Variants in DNAH7 observed in about 807,000 individuals in gnomAD.
The protein encoded by DNAH7 is axonemal beta dynein heavy chain 7.
In DNAH7, 397 loss-of-function variants were observed where a neutral mutation model predicts 444.6. That is an observed-to-expected ratio of 0.89 (90% CI 0.82 to 0.97). DNAH7 has a LOEUF of 0.97. Ranked by LOEUF, DNAH7 falls within the 50% of genes least tolerant of loss-of-function variation. The pLI is 0.00. For synonymous variants in DNAH7, 1,636 were observed against 1,624.4 expected (o/e 1.01, Z -0.17); for missense variants, 4,902 against 4,800.8 (o/e 1.02, Z -0.62).
intron 42 of DNAH7, among the ~76,000 whole-genome samples, chr2:195,860,164 T>C (rs937053440): frequency 5.3e-5 from 8 of 152,344 alleles, no homozygotes; most frequent in Admixed American, 3.3e-4. Flanking sequence ...TTTGAACTTA[T>C]AACTTTGTAA....
chr2:195,907,783 T>C (rs1687120094), intron 25 of DNAH7, among the ~76,000 whole-genome samples: 1 of 152,138 alleles, frequency 6.6e-6, no homozygotes, highest in Non-Finnish European at 1.5e-5. Context: ...CCTTGGATTT[T>C]TACACATTTC....
intron 12 of DNAH7, among the ~76,000 whole-genome samples, chr2:195,990,666 A>G (rs1016939471): frequency 2.0e-5 from 3 of 151,594 alleles, no homozygotes; most frequent in African/African-American, 4.9e-5. Flanking sequence ...CTCGAAAAAA[A>G]AAGTTATTGT....
intron 12 of DNAH7, 76 bp from the exon 13 acceptor site, chr2:195,988,305 A>C (rs1330903293): frequency 8.1e-7 from 1 of 1,241,708 alleles, no homozygotes; most frequent in Non-Finnish European, 1.1e-6. Context: ...TACAAACGCC[A>C]ATCTTACAAT....
chr2:195,778,640 ATAAATAT>A lies in DNAH7; in HGVS notation c.10879-662_10879-656del, dbSNP rs1192138415. Among the ~76,000 whole-genome samples, 23 of 61,786 alleles carry A rather than the reference ATAAATAT, an allele frequency of 3.7e-4. 3 individuals carry two copies. Among genetic ancestry groups the A allele is most frequent in the Non-Finnish European group, 4.9e-4 (18 of 36,388 alleles). 40.5% of individuals were successfully genotyped at this position (61,786 alleles called of 152,430 possible). On this transcript the variant is annotated intron_variant, in intron 58 of 64. Coordinates refer to ENST00000312428, the MANE Select transcript of DNAH7 (RefSeq NM_018897.3). ...TCTGAAAAAAAAAAAAAATAAATAA[ATAAATAT>A]ATATATATATATATATATATATACA... is the stretch of plus-strand genomic sequence containing the variant.
At chr2:196,049,888 A>T (rs1407073132) in intron 3 of DNAH7, among the ~76,000 whole-genome samples, 2 of 152,230 alleles carry the variant, frequency 1.3e-5, no homozygotes, top group African/African-American at 4.8e-5. Context: ...TGTCTATTCC[A>T]TTTCAGTTTT....
chr2:195,960,037 G>A (rs1690973649), intron 18 of DNAH7, among the ~76,000 whole-genome samples: 1 of 152,082 alleles, frequency 6.6e-6, no homozygotes, highest in Non-Finnish European at 1.5e-5. Context: ...ATGAGCAATC[G>A]TCCAATAGCA....
chr2:195,804,828 G>A (rs1177219422), intron 54 of DNAH7, among the ~76,000 whole-genome samples: 1 of 151,048 alleles, frequency 6.6e-6, no homozygotes, highest in African/African-American at 2.4e-5. Flanking sequence ...GAGTAGTATT[G>A]TCCACATATC....
At chr2:195,949,619 G>C (rs1690078892) in intron 19 of DNAH7, among the ~76,000 whole-genome samples, 1 of 152,082 alleles carries the variant, frequency 6.6e-6, no homozygotes, top group Non-Finnish European at 1.5e-5. Flanking sequence ...GATTGCCCTG[G>C]CCAGAACTTC....
At chr2:195,748,053 T>C (rs577614162) in intron 63 of DNAH7, among the ~76,000 whole-genome samples, 46 of 152,328 alleles carry the variant, frequency 3.0e-4, no homozygotes, top group African/African-American at 8.9e-4. Flanking sequence ...TTGTCCCTGT[T>C]TGCAGATGAC....
chr2:195,918,635 G>A (rs1687831021), intron 24 of DNAH7, among the ~76,000 whole-genome samples: 1 of 152,140 alleles, frequency 6.6e-6, no homozygotes. Flanking sequence ...AAACTTAAAT[G>A]CATATTGCTA....
At chr2:195,823,487 G>A (rs1431432127) in intron 49 of DNAH7, among the ~76,000 whole-genome samples, 1 of 152,182 alleles carries the variant, frequency 6.6e-6, no homozygotes, top group African/African-American at 2.4e-5. Flanking sequence ...TCTGCAGAGA[G>A]ATGCCTATGT....
intron 1 of DNAH7, among the ~76,000 whole-genome samples, chr2:196,060,043 G>A (rs368230743): frequency 2.6e-5 from 4 of 152,110 alleles, no homozygotes; most frequent in South Asian, 2.1e-4. Context: ...GTGAAACCCC[G>A]TCCGTACTAA....
At chr2:196,046,736 G>A (rs1382474101) in intron 5 of DNAH7, among the ~76,000 whole-genome samples, 1 of 151,748 alleles carries the variant, frequency 6.6e-6, no homozygotes, top group African/African-American at 2.4e-5. Context: ...TGGGACAGTA[G>A]AACAGGGTCC....
intron 47 of DNAH7, among the ~76,000 whole-genome samples, chr2:195,844,521 C>G (rs1698870766): frequency 6.6e-6 from 1 of 152,090 alleles, no homozygotes; most frequent in Non-Finnish European, 1.5e-5. Flanking sequence ...TCTCTACTAA[C>G]CAGGAAACTA....
chr2:196,042,346 G>A (rs1419505662), intron 5 of DNAH7, among the ~76,000 whole-genome samples: 1 of 151,934 alleles, frequency 6.6e-6, no homozygotes, highest in Non-Finnish European at 1.5e-5. Flanking sequence ...CGATTTGATT[G>A]TAGACATATA....
At chr2:195,866,890 T>C (rs1268183483) in intron 40 of DNAH7, among the ~76,000 whole-genome samples, 2 of 152,184 alleles carry the variant, frequency 1.3e-5, no homozygotes, top group Non-Finnish European at 2.9e-5. Context: ...GTGCTGTTCT[T>C]ATGATAGTGA....
At chr2:196,063,550 G>C (rs1271392964) in intron 1 of DNAH7, 2 of 152,194 alleles carry the variant, frequency 1.3e-5, no homozygotes, top group Non-Finnish European at 2.9e-5. Flanking sequence ...CCTCTCCATG[G>C]TCTTTCAAAA....
intron 27 of DNAH7, chr2:195,901,764 GCAT>G (rs1303643643): frequency 3.9e-5 from 6 of 151,944 alleles, no homozygotes. Flanking sequence ...CTTTCAACAA[GCAT>G]AATAAAGGAA....
intron 64 of DNAH7, 88 bp downstream of exon 64, chr2:195,740,678 T>TAC (rs1005432879): frequency 7.2e-6 from 2 of 277,266 alleles, no homozygotes; most frequent in Non-Finnish European, 1.3e-5. Context: ...TACACATATA[T>TAC]ACACACAATA....
Sources: allele counts gnomAD v4.1 joint callset (sites outside exome capture counted in the v4.1 genomes callset), GRCh38; gene constraint gnomAD v4.1.1; transcripts MANE v1.5; gene names NCBI Gene and HGNC (gene_info 2026-07-23, HGNC 2026-07-21).